KCNQ1: variants seen among roughly 807,000 people sequenced by gnomAD.
KCNQ1 encodes potassium voltage-gated channel subfamily KQT member 1.
KCNQ1 carries 49 observed loss-of-function variants against 72.4 expected under a neutral mutation model. That is an observed-to-expected ratio of 0.68 (90% CI 0.54 to 0.86). The LOEUF is 0.86. KCNQ1 is among the 40% of genes least tolerant of loss of function. KCNQ1 has a pLI of 0.00. For missense variants in KCNQ1, 790 were observed against 945.1 expected (o/e 0.84, Z 2.15); for synonymous variants, 450 against 412.6 (o/e 1.09, Z -1.10).
At position 2,541,831 on chromosome 11, in the gene KCNQ1, C is replaced by G. The variant is rs1286177031; in HGVS notation, c.477+13813C>G. On this transcript the variant is annotated intron_variant, in intron 2 of 15. Coordinates refer to ENST00000155840, the MANE Select transcript of KCNQ1 (RefSeq NM_000218.3). The surrounding 1 kb of genome is among the most constrained non-coding windows in gnomAD (Gnocchi z 4.8). ...TTTCTCCCCAGAGTTCATGGAGCCC[C>G]TGTCAGAGGCGCTGAGGCCCAGGTC... Among the ~76,000 whole-genome samples the G allele has an allele frequency of 1.3e-5, 2 of 152,158 alleles. No individual in the cohort carries two copies. Among genetic ancestry groups the G allele is most frequent in the East Asian group, 3.9e-4 (2 of 5,170 alleles).
In KCNQ1 at chr11:2,748,019, G is replaced by A. The variant is rs924684280; in HGVS notation, c.1515-20825G>A. Among the ~76,000 whole-genome samples the A allele has an allele frequency of 1.3e-5, 2 of 152,120 alleles. No individual in the cohort carries two copies. The highest frequency in any genetic ancestry group is 4.8e-5 in the African/African-American group (2 of 41,414). On this transcript the variant is annotated intron_variant, in intron 11 of 15. Coordinates refer to ENST00000155840, the MANE Select transcript of KCNQ1 (RefSeq NM_000218.3). The surrounding 1 kb of genome is among the most constrained non-coding windows in gnomAD (Gnocchi z 6.2). ...GCAGAATACTTCAAGAAGACCACTCGGGCCTAGGGCTCTGCAAGCAATATC... is the reference window on the plus strand; with the variant it reads ...GCAGAATACTTCAAGAAGACCACTCAGGCCTAGGGCTCTGCAAGCAATATC...
intron 15 of KCNQ1, among the ~76,000 whole-genome samples, chr11:2,793,192 C>A (rs1365359768): frequency 6.6e-6 from 1 of 152,240 alleles, no homozygotes; most frequent in Non-Finnish European, 1.5e-5. Flanking sequence ...GTGCACCCGA[C>A]AAACACAAGG....
Position 2,621,019 on chromosome 11 carries a change from C to T in KCNQ1, c.1393+32165C>T. 2.5e-6 allele frequency: 1 copy of T among 396,632 alleles called. No individual in the cohort carries two copies. The highest frequency in any genetic ancestry group is 4.4e-6 in the Non-Finnish European group (1 of 225,744). The allele number at this position is 396,632 out of a possible 1,614,324, so 24.6% of individuals were successfully genotyped here. The stretch of plus-strand genomic sequence containing the variant: ...TTGAGAAAGAGTCTTGCTCTGTCTC[C>T]CAGGCTGGAGTGCAGTGGCGCAATC... On this transcript the variant is annotated intron_variant, in intron 10 of 15. Transcript: ENST00000155840. This position sits in a 1 kb window ranked among gnomAD's most constrained non-coding sequence, Gnocchi z 5.7.
chr11:2,710,644 T>TGAA lies in KCNQ1; in HGVS notation c.1514+48563_1514+48564insGAA. Among the ~76,000 whole-genome samples the TGAA allele has an allele frequency of 6.6e-6, 1 of 152,246 alleles. No individual in the cohort carries two copies. Among genetic ancestry groups the TGAA allele is most frequent in the East Asian group, 1.9e-4 (1 of 5,202 alleles). On this transcript the variant is annotated intron_variant, in intron 11 of 15. Transcript: ENST00000155840. The surrounding 1 kb of genome is among the most constrained non-coding windows in gnomAD (Gnocchi z 4.1). ...CTTAGGTCTTTCATCCGCTTTCAGT[T>TGAA]AGTTTAACATATGGTGTGAGGTAGG...
chr11:2,806,660 G>C (rs1463085662), intron 15 of KCNQ1, among the ~76,000 whole-genome samples: 4 of 152,182 alleles, frequency 2.6e-5, no homozygotes, highest in African/African-American at 9.7e-5. Flanking sequence ...TCTTCCACCT[G>C]TCCTGGGGGA....
intron 11 of KCNQ1, chr11:2,680,677 C>A (rs1182819219): frequency 2.5e-6 from 1 of 398,450 alleles, no homozygotes; most frequent in Admixed American, 4.4e-5. Flanking sequence ...ATTTCTAACT[C>A]TTCAAGAATC....
At chr11:2,773,190 G>A (rs1364252660) in intron 12 of KCNQ1, among the ~76,000 whole-genome samples, 9 of 151,964 alleles carry the variant, frequency 5.9e-5, no homozygotes, top group East Asian at 1.9e-4. Flanking sequence ...TCAACAACCC[G>A]TCCTACAGAA....
rs750954728 is a variant in KCNQ1, at chr11:2,735,895, C to G, written c.1515-32949C>G. ...TACCCCCATTCTGCTTTAATTACTT[C>G]TTATAAGACCCCATCTCCAGACACA... On this transcript the variant is annotated intron_variant, in intron 11 of 15. Coordinates refer to ENST00000155840, the MANE Select transcript of KCNQ1 (RefSeq NM_000218.3). The surrounding 1 kb of genome is among the most constrained non-coding windows in gnomAD (Gnocchi z 7.7). 7.2e-5 allele frequency among the ~76,000 whole-genome samples: 11 copies of G among 152,156 alleles called. No individual in the cohort carries two copies. Among genetic ancestry groups the G allele is most frequent in the Non-Finnish European group, 1.3e-4 (9 of 68,032 alleles).
intron 2 of KCNQ1, among the ~76,000 whole-genome samples, chr11:2,530,144 A>G (rs1227397435): frequency 6.6e-6 from 1 of 152,068 alleles, no homozygotes; most frequent in Non-Finnish European, 1.5e-5. Flanking sequence ...TCCTTCCCCC[A>G]CAGGGCGATG....
intron 4 of KCNQ1, among the ~76,000 whole-genome samples, chr11:2,571,698 C>G (rs1422822800): frequency 2.0e-5 from 3 of 152,140 alleles, no homozygotes; most frequent in Non-Finnish European, 4.4e-5. Context: ...GGCACACAGC[C>G]TGCCCATCTG....
chr11:2,629,898 T>C (rs1849325544), intron 10 of KCNQ1: 1 of 398,154 alleles, frequency 2.5e-6, no homozygotes, highest in South Asian at 1.3e-4. Flanking sequence ...TTCTTTCTGA[T>C]TTGAGTGTAT....
chr11:2,586,264 C>T (rs1252976441), intron 8 of KCNQ1, among the ~76,000 whole-genome samples: 2 of 152,232 alleles, frequency 1.3e-5, no homozygotes, highest in Non-Finnish European at 2.9e-5. Context: ...CGTGAGCTCG[C>T]TGCCCCAGGC....
chr11:2,759,754 G>C lies in KCNQ1; in HGVS notation c.1515-9090G>C, dbSNP rs564339439. 2.0e-4 allele frequency among the ~76,000 whole-genome samples: 31 copies of C among 152,296 alleles called. 1 individual carries two copies. The highest frequency in any genetic ancestry group is 3.4e-3 in the Middle Eastern group (1 of 294). ...TTGCATCTGACTTAACTGTCTGGCT[G>C]GGGGAGAGGGGACAGAGGTCCTGGG... On this transcript the variant is annotated intron_variant, in intron 11 of 15. Coordinates refer to ENST00000155840, the MANE Select transcript of KCNQ1 (RefSeq NM_000218.3). This position sits in a 1 kb window ranked among gnomAD's most constrained non-coding sequence, Gnocchi z 4.4.
In KCNQ1 at chr11:2,723,657, G is replaced by A. The variant is rs1285734971; in HGVS notation, c.1515-45187G>A. On this transcript the variant is annotated intron_variant, in intron 11 of 15. Coordinates refer to ENST00000155840, the MANE Select transcript of KCNQ1 (RefSeq NM_000218.3). This position sits in a 1 kb window ranked among gnomAD's most constrained non-coding sequence, Gnocchi z 4.2. ...CTCGAATCCCTCACACCTAGCGGTT[G>A]GCTGGGCAGGTGGACTGGTCCGAGC... Among the ~76,000 whole-genome samples the A allele has an allele frequency of 6.6e-6, 1 of 152,244 alleles. No homozygotes were observed. Among genetic ancestry groups the A allele is most frequent in the Non-Finnish European group, 1.5e-5 (1 of 68,040 alleles).
rs536131128 is a variant in KCNQ1 at position 2,447,973 on chromosome 11, C to A, written c.386+2489C>A. 6.6e-6 allele frequency among the ~76,000 whole-genome samples: 1 copy of A among 152,156 alleles called. No homozygotes were observed. The highest frequency in any genetic ancestry group is 1.5e-5 in the Non-Finnish European group (1 of 67,996). Reference sequence around the variant, plus strand: ...TTCCTTCTGGCCTCCCTGGGCTGGCCGGGGTGGACACGGCACCTGGGCCAC... The same window carrying A: ...TTCCTTCTGGCCTCCCTGGGCTGGCAGGGGTGGACACGGCACCTGGGCCAC... On this transcript the variant is annotated intron_variant, in intron 1 of 15. Transcript: ENST00000155840. The surrounding 1 kb of genome is among the most constrained non-coding windows in gnomAD (Gnocchi z 7.6).
intron 1 of KCNQ1, among the ~76,000 whole-genome samples, chr11:2,454,841 C>G (rs561634663): frequency 2.6e-4 from 39 of 152,142 alleles, no homozygotes; most frequent in African/African-American, 9.2e-4. Flanking sequence ...AGACACATTC[C>G]CCTTAAGAAT....
chr11:2,679,420 C>A lies in KCNQ1; in HGVS notation c.1514+17339C>A. 5.0e-6 allele frequency: 2 copies of A among 398,584 alleles called. No homozygotes were observed. The highest frequency in any genetic ancestry group is 8.8e-6 in the Non-Finnish European group (2 of 226,058). The allele number at this position is 398,584 out of a possible 1,614,324, so 24.7% of individuals were successfully genotyped here. A position where few individuals can be genotyped will look rare whatever the true frequency, so the allele number is the denominator to read the frequency against. Reference sequence around the variant, plus strand: ...AAAATGGGAATCATAAGAGTACCTTCCTCAGAGGGTTGTTAGGAGGATTAC... The same window carrying A: ...AAAATGGGAATCATAAGAGTACCTTACTCAGAGGGTTGTTAGGAGGATTAC... On this transcript the variant is annotated intron_variant, in intron 11 of 15. Coordinates refer to ENST00000155840, the MANE Select transcript of KCNQ1 (RefSeq NM_000218.3). The surrounding 1 kb of genome is among the most constrained non-coding windows in gnomAD (Gnocchi z 4.8).
At position 2,795,182 on chromosome 11, in the gene KCNQ1, CT is replaced by C. The variant is rs140324136; in HGVS notation, c.1794+17146del. ...CGTCAGTCTCCGCATCTCGCCTCCC[CT>C]ACCCCCGACCTCTCGGGTGCTGTAG... On this transcript the variant is annotated intron_variant, in intron 15 of 15. Coordinates refer to ENST00000155840, the MANE Select transcript of KCNQ1 (RefSeq NM_000218.3). Among the ~76,000 whole-genome samples the C allele has an allele frequency of 7.5e-4, 115 of 152,362 alleles. 1 individual carries two copies. The East Asian group carries it at 0.016, about 22-fold the overall frequency.
intron 15 of KCNQ1, among the ~76,000 whole-genome samples, chr11:2,842,529 A>G (rs1848234410): frequency 6.6e-6 from 1 of 152,138 alleles, no homozygotes; most frequent in African/African-American, 2.4e-5. Context: ...GTGCACTCCA[A>G]CCCTTGGGCA....
Sources: allele counts gnomAD v4.1 joint callset (sites outside exome capture counted in the v4.1 genomes callset), GRCh38; gene constraint gnomAD v4.1.1; non-coding constraint Gnocchi (gnomAD v3.1); transcripts MANE v1.5; gene names NCBI Gene and HGNC (gene_info 2026-07-23, HGNC 2026-07-21).